The following CACNA2D3 variants were observed in gnomAD, a reference collection of about 807,000 sequenced individuals.
CACNA2D3 encodes the protein calcium voltage-gated channel auxiliary subunit alpha2delta 3.
Under a neutral mutation model 160.6 loss-of-function variants are expected in CACNA2D3, and 60 were observed. The ratio of observed to expected loss-of-function variants is 0.37; its 90% CI spans 0.30 to 0.46. The LOEUF (loss-of-function observed/expected upper bound fraction) is 0.46, where lower values mean the gene tolerates loss of function less well. Among genes scored for constraint, CACNA2D3 ranks in the 20% least tolerant of loss-of-function variants. CACNA2D3 has a pLI of 1.00. For missense variants in CACNA2D3, 1,205 were observed against 1,365.0 expected (o/e 0.88, Z 1.85); for synonymous variants, 558 against 492.9 (o/e 1.13, Z -1.75).
intron 11 of CACNA2D3, among the ~76,000 whole-genome samples, chr3:54,677,645 G>A (rs555102144): frequency 5.3e-5 from 8 of 150,412 alleles, no homozygotes; most frequent in East Asian, 3.9e-4. Flanking sequence ...GTACTTACTC[G>A]TCTAGTCTCT....
chr3:54,999,173 A>G (rs1702924924), intron 31 of CACNA2D3, among the ~76,000 whole-genome samples: 1 of 152,194 alleles, frequency 6.6e-6, no homozygotes, highest in Admixed American at 6.5e-5. Flanking sequence ...CCATCTCTGC[A>G]AGAAGTTGCT....
chr3:54,315,700 A>G (rs34054647), intron 2 of CACNA2D3, among the ~76,000 whole-genome samples: 32 of 151,806 alleles, frequency 2.1e-4, no homozygotes, highest in Non-Finnish European at 4.0e-4. Context: ...GGATTAGACA[A>G]ATTAATAGGT....
At chr3:54,825,232 C>T (rs1184154594) in intron 14 of CACNA2D3, among the ~76,000 whole-genome samples, 1 of 152,170 alleles carries the variant, frequency 6.6e-6, no homozygotes, top group Non-Finnish European at 1.5e-5. Flanking sequence ...GTTGTTCTTA[C>T]ATCCTCGAAG....
intron 2 of CACNA2D3, among the ~76,000 whole-genome samples, chr3:54,175,534 A>AC: frequency 6.8e-6 from 1 of 147,546 alleles, no homozygotes; most frequent in East Asian, 2.0e-4. Flanking sequence ...AATGGTGTGA[A>AC]CCCGGGAGGC....
intron 2 of CACNA2D3, among the ~76,000 whole-genome samples, chr3:54,148,098 A>T (rs1700070694): frequency 6.6e-6 from 1 of 152,198 alleles, no homozygotes; most frequent in African/African-American, 2.4e-5. Flanking sequence ...CGCCCAGCTG[A>T]TGGGAAGGTT....
chr3:55,002,870 G>T (rs1703013146), intron 31 of CACNA2D3, among the ~76,000 whole-genome samples: 1 of 152,108 alleles, frequency 6.6e-6, no homozygotes, highest in Non-Finnish European at 1.5e-5. Context: ...CCATTTATCG[G>T]TAATGTCCGT....
At chr3:54,956,043 G>A (rs556402586) in intron 27 of CACNA2D3, among the ~76,000 whole-genome samples, 4 of 152,270 alleles carry the variant, frequency 2.6e-5, no homozygotes, top group Admixed American at 2.0e-4. Flanking sequence ...AGTGCCGTCC[G>A]CCCCTCCTTA....
intron 11 of CACNA2D3, among the ~76,000 whole-genome samples, chr3:54,720,111 T>G (rs1031196394): frequency 2.0e-5 from 3 of 152,102 alleles, no homozygotes; most frequent in Non-Finnish European, 1.5e-5. Context: ...ATTGTACATC[T>G]GTTTGCTGTG....
chr3:54,763,739 A>ATATATGTACATATATATACATATTGTGTG (rs1266597741), intron 12 of CACNA2D3, among the ~76,000 whole-genome samples: 1 of 81,448 alleles, frequency 1.2e-5, no homozygotes, highest in Non-Finnish European at 3.1e-5. Flanking sequence ...ATATATGTGT[A>ATATATGTACATATATATACATATTGTGTG]TATATGTGCA....
chr3:54,299,788 AATT>A (rs1192183305), intron 2 of CACNA2D3, among the ~76,000 whole-genome samples: 5 of 152,222 alleles, frequency 3.3e-5, no homozygotes, highest in African/African-American at 4.8e-5. Context: ...AATAGAAGTG[AATT>A]AACACATCGA....
intron 2 of CACNA2D3, among the ~76,000 whole-genome samples, chr3:54,189,176 G>A (rs911980987): frequency 3.0e-4 from 46 of 152,164 alleles, no homozygotes; most frequent in African/African-American, 1.1e-3. Context: ...ACTTGGCCAG[G>A]GTATTGACCA....
intron 21 of CACNA2D3, among the ~76,000 whole-genome samples, chr3:54,883,825 T>C (rs868615028): frequency 4.2e-5 from 6 of 144,320 alleles, no homozygotes; most frequent in Admixed American, 1.4e-4. Context: ...CTCTCTCTCC[T>C]CTCTCTCCCT....
intron 11 of CACNA2D3, among the ~76,000 whole-genome samples, chr3:54,689,261 C>T (rs748657404): frequency 5.9e-5 from 9 of 152,112 alleles, no homozygotes; most frequent in Non-Finnish European, 1.0e-4. Context: ...AGCCTCTTCT[C>T]AGCCTTCTTT....
chr3:54,896,980 C>A, intron 26 of CACNA2D3, 110 bp downstream of exon 26: 1 of 1,399,450 alleles, frequency 7.1e-7, no homozygotes, highest in Non-Finnish European at 1.0e-6. Flanking sequence ...CAAGTTCAAC[C>A]CTCAGAGCCA....
At chr3:54,543,665 C>T (rs1256782559) in intron 5 of CACNA2D3, among the ~76,000 whole-genome samples, 1 of 152,144 alleles carries the variant, frequency 6.6e-6, no homozygotes, top group East Asian at 1.9e-4. Flanking sequence ...TTTTGGTGGT[C>T]CTGTCAGGCT....
chr3:54,669,738 TA>T (rs540861993), intron 11 of CACNA2D3, among the ~76,000 whole-genome samples: 5,352 of 147,392 alleles, frequency 0.036, 105 homozygotes, highest in Non-Finnish European at 0.05. Context: ...TGGGGCTCTT[TA>T]AAAAAAAAAA....
intron 2 of CACNA2D3, among the ~76,000 whole-genome samples, chr3:54,286,423 A>G (rs531583693): frequency 6.6e-6 from 1 of 152,356 alleles, no homozygotes; most frequent in Admixed American, 6.5e-5. Context: ...GAAATATGGA[A>G]CTATGTGAAA....
chr3:54,155,934 A>G (rs1197646321), intron 2 of CACNA2D3, among the ~76,000 whole-genome samples: 2 of 152,218 alleles, frequency 1.3e-5, no homozygotes, highest in African/African-American at 4.8e-5. Flanking sequence ...TGTCACTTTT[A>G]TTGTTTTCAT....
rs118074520 is a variant in CACNA2D3 at position 54,604,269 on chromosome 3, G to A, written c.963+22392G>A. On this transcript the variant is annotated intron_variant, in intron 9 of 37. Transcript: ENST00000474759. ...TTTAGGGGTATAATGGGGAGCAAGA[G>A]TGATGAAGTCCCTTCTCCCATGGAG... Among the ~76,000 whole-genome samples the A allele has an allele frequency of 1.1e-3, 173 of 152,264 alleles. No individual in the cohort carries two copies. The East Asian group carries it at 0.029, about 25-fold the overall frequency.
Sources: gnomAD v4.1 joint callset for allele counts (sites outside exome capture counted in the v4.1 genomes callset) on GRCh38, gnomAD v4.1.1 for gene constraint, MANE v1.5 for transcripts, NCBI Gene and HGNC (gene_info 2026-07-23, HGNC 2026-07-21) for gene names.